The following FMN1 variants were observed in gnomAD, a reference collection of about 807,000 sequenced individuals.
FMN1 encodes formin 1.
A neutral mutation model predicts 132.4 loss-of-function variants in FMN1; 110 were observed. That is an observed-to-expected ratio of 0.83 (90% CI 0.71 to 0.97). The LOEUF is 0.97. Ranked by LOEUF, FMN1 falls within the 50% of genes least tolerant of loss-of-function variation. The pLI is 0.00. For missense variants in FMN1, 1,792 were observed against 1,705.3 expected, an observed-to-expected ratio of 1.05 and a Z score of -0.90; for synonymous variants, 722 against 651.7, an observed-to-expected ratio of 1.11 and a Z score of -1.64.
chr15:33,118,435 C>A (rs2040011174), intron 4 of FMN1, among the ~76,000 whole-genome samples: 1 of 152,096 alleles, frequency 6.6e-6, no homozygotes, highest in Admixed American at 6.5e-5. Flanking sequence ...AAATAAGCAC[C>A]AGCAAACAGA....
intron 4 of FMN1, among the ~76,000 whole-genome samples, chr15:33,101,784 A>G (rs1430503726): frequency 6.6e-6 from 1 of 152,110 alleles, no homozygotes; most frequent in Non-Finnish European, 1.5e-5. Flanking sequence ...CTTGTTGCAT[A>G]CAGAATAGAA....
At chr15:32,895,377 A>G (rs753932223) in intron 15 of FMN1, among the ~76,000 whole-genome samples, 1 of 152,056 alleles carries the variant, frequency 6.6e-6, no homozygotes, top group South Asian at 2.1e-4. Flanking sequence ...AAAAACAAAA[A>G]CACAACCTTG....
intron 4 of FMN1, among the ~76,000 whole-genome samples, chr15:33,089,598 C>T (rs1365824162): frequency 6.6e-6 from 1 of 152,214 alleles, no homozygotes; most frequent in Non-Finnish European, 1.5e-5. Context: ...ATGTGCCAGA[C>T]ACTGTTTTTA....
intron 4 of FMN1, among the ~76,000 whole-genome samples, chr15:33,115,153 A>G (rs2039867645): frequency 1.3e-5 from 2 of 152,210 alleles, no homozygotes; most frequent in African/African-American, 4.8e-5. Context: ...CCAGTCTCCC[A>G]TGGGGAAAAT....
At chr15:33,052,823 C>A (rs1043852915) in intron 6 of FMN1, among the ~76,000 whole-genome samples, 3 of 152,168 alleles carry the variant, frequency 2.0e-5, no homozygotes, top group African/African-American at 7.2e-5. Context: ...ATACACCTAC[C>A]CTTTTCTAAT....
At chr15:33,121,176 C>A (rs1962519663) in intron 4 of FMN1, among the ~76,000 whole-genome samples, 1 of 152,158 alleles carries the variant, frequency 6.6e-6, no homozygotes, top group African/African-American at 2.4e-5. Flanking sequence ...TCAACAACAA[C>A]AAAAAATTAA....
intron 5 of FMN1, among the ~76,000 whole-genome samples, chr15:33,082,678 C>T (rs2038529870): frequency 6.6e-6 from 1 of 152,088 alleles, no homozygotes. Context: ...CTAATGGTAG[C>T]TCCTAGTTCA....
At chr15:33,177,256 G>A (rs914363663) in intron 3 of FMN1, among the ~76,000 whole-genome samples, 5 of 152,260 alleles carry the variant, frequency 3.3e-5, no homozygotes, top group South Asian at 2.1e-4. Flanking sequence ...GGGACAATAG[G>A]TCTTATTCAG....
At position 32,964,014 on chromosome 15, in the gene FMN1, G is replaced by GAT. The variant is rs777105308; in HGVS notation, c.3138+91_3138+92dup. 13,963 of 341,924 alleles carry GAT rather than the reference G, an allele frequency of 0.041. 143 individuals carry two copies. Among genetic ancestry groups the GAT allele is most frequent in the Non-Finnish European group, 0.048 (9,710 of 203,732 alleles). 21.2% of individuals were successfully genotyped at this position (341,924 alleles called of 1,614,324 possible). ...TAGGTATGTGTGTGTGTGTATATAC[G>GAT]ATACACACACACACACACACACACA... On this transcript the variant is annotated intron_variant, in intron 9 of 20. Transcript: ENST00000616417.
At chr15:32,940,260 G>A (rs2061370537) in intron 9 of FMN1, among the ~76,000 whole-genome samples, 1 of 152,124 alleles carries the variant, frequency 6.6e-6, no homozygotes, top group South Asian at 2.1e-4. Context: ...AAAGTCAGGA[G>A]ACCAGCCTTC....
chr15:32,801,192 A>C (rs1424401296), intron 18 of FMN1, among the ~76,000 whole-genome samples: 1 of 152,018 alleles, frequency 6.6e-6, no homozygotes, highest in East Asian at 1.9e-4. Flanking sequence ...AAAACACATC[A>C]TCCTCCTGTG....
At chr15:32,810,688 C>A (rs986809217) in intron 17 of FMN1, among the ~76,000 whole-genome samples, 2 of 152,136 alleles carry the variant, frequency 1.3e-5, no homozygotes, top group Non-Finnish European at 1.5e-5. Context: ...AAGGAGGAGG[C>A]CACTCTTTAA....
intron 6 of FMN1, among the ~76,000 whole-genome samples, chr15:33,024,261 T>G (rs2035564572): frequency 9.7e-6 from 1 of 103,256 alleles, no homozygotes; most frequent in Non-Finnish European, 2.0e-5. Flanking sequence ...TTTTTTTTTT[T>G]TGAGATGTGG....
intron 2 of FMN1, among the ~76,000 whole-genome samples, chr15:33,191,848 C>T (rs1966089857): frequency 6.6e-6 from 1 of 152,178 alleles, no homozygotes; most frequent in African/African-American, 2.4e-5. Flanking sequence ...AATACAATTC[C>T]CATGGTTTAG....
Position 33,077,807 on chromosome 15 carries a change from AAC to A in FMN1, c.2043+10990_2043+10991del, listed in dbSNP as rs1491407902. On this transcript the variant is annotated intron_variant, in intron 5 of 20. Transcript: ENST00000616417. ...AAACAAATTTACAAAAAAAAAAAAA[AAC>A]ATCAAAAAGTGGGCAAAGGATATGA... 9.2e-5 allele frequency among the ~76,000 whole-genome samples: 14 copies of A among 151,802 alleles called. No individual in the cohort carries two copies. The South Asian group carries it at 1.3e-3, about 14-fold the overall frequency.
chr15:33,074,130 G>A (rs2038106292), intron 5 of FMN1, among the ~76,000 whole-genome samples: 2 of 152,142 alleles, frequency 1.3e-5, no homozygotes, highest in Non-Finnish European at 2.9e-5. Flanking sequence ...CCCAGATGGG[G>A]AAAAAGGCAT....
chr15:32,902,162 T>A (rs912605546), intron 12 of FMN1, 122 bp from the exon 13 acceptor site: 2 of 835,378 alleles, frequency 2.4e-6, no homozygotes, highest in Non-Finnish European at 3.6e-6. Context: ...TTATAAAAGG[T>A]GTCACATAGG....
intron 7 of FMN1, among the ~76,000 whole-genome samples, chr15:32,974,556 C>T (rs2140709281): frequency 6.6e-6 from 1 of 152,272 alleles, no homozygotes; most frequent in African/African-American, 2.4e-5. Context: ...AGCCCTGCTC[C>T]CATTAGAATC....
chr15:33,030,898 G>A (rs1323451705), intron 6 of FMN1, among the ~76,000 whole-genome samples: 2 of 151,922 alleles, frequency 1.3e-5, no homozygotes, highest in Non-Finnish European at 2.9e-5. Context: ...AGGTATACAC[G>A]TGCCATGGTG....
Sources: gnomAD v4.1 joint callset for allele counts (sites outside exome capture counted in the v4.1 genomes callset) on GRCh38, gnomAD v4.1.1 for gene constraint, MANE v1.5 for transcripts, NCBI Gene and HGNC (gene_info 2026-07-23, HGNC 2026-07-21) for gene names.